SPAG16: variants seen among roughly 807,000 people sequenced by gnomAD.
SPAG16 encodes sperm-associated antigen 16 protein.
A neutral mutation model predicts 80.4 loss-of-function variants in SPAG16; 86 were observed. The ratio of observed to expected loss-of-function variants is 1.07; its 90% confidence interval spans 0.90 to 1.28. The LOEUF is 1.28. Ranked by LOEUF, SPAG16 falls within the 50% of genes most tolerant of loss-of-function variation. SPAG16 has a pLI of 0.00. For synonymous variants in SPAG16, 294 were observed against 265.9 expected (o/e 1.11, Z -1.03); for missense variants, 870 against 765.3 (o/e 1.14, Z -1.61).
chr2:213,574,645 T>C (rs1398234004), intron 10 of SPAG16, among the ~76,000 whole-genome samples: 1 of 148,502 alleles, frequency 6.7e-6, no homozygotes, highest in Non-Finnish European at 1.5e-5. Context: ...TCACCAGATA[T>C]ATATCATATA....
intron 10 of SPAG16, among the ~76,000 whole-genome samples, chr2:213,819,593 A>G (rs1021207543): frequency 6.6e-6 from 1 of 152,220 alleles, no homozygotes; most frequent in South Asian, 2.1e-4. Context: ...CACCCAGGCT[A>G]AAGTGCAATG....
chr2:214,063,119 A>C (rs936838407), intron 13 of SPAG16, among the ~76,000 whole-genome samples: 2 of 152,206 alleles, frequency 1.3e-5, no homozygotes, highest in Non-Finnish European at 2.9e-5. Flanking sequence ...TAAAAATCAG[A>C]AATGTATGTT....
At chr2:213,790,335 T>C (rs1186458198) in intron 10 of SPAG16, among the ~76,000 whole-genome samples, 1 of 151,942 alleles carries the variant, frequency 6.6e-6, no homozygotes, top group African/African-American at 2.4e-5. Flanking sequence ...TCAACACTTA[T>C]TTAGGTTCAA....
intron 1 of SPAG16, among the ~76,000 whole-genome samples, chr2:213,294,810 C>A (rs1381417977): frequency 6.6e-6 from 1 of 152,114 alleles, no homozygotes; most frequent in African/African-American, 2.4e-5. Flanking sequence ...GCACAGAAAA[C>A]CCACACAGAA....
chr2:213,585,311 C>G (rs1221318643), intron 10 of SPAG16, among the ~76,000 whole-genome samples: 4 of 144,894 alleles, frequency 2.8e-5, no homozygotes, highest in African/African-American at 1.0e-4. Context: ...GAGTCTCACT[C>G]TATTGCCCAG....
intron 12 of SPAG16, among the ~76,000 whole-genome samples, chr2:213,940,165 G>A (rs1011929872): frequency 1.3e-5 from 2 of 152,068 alleles, no homozygotes; most frequent in Admixed American, 1.3e-4. Context: ...AAAAAAGTGA[G>A]CATTTAACTT....
chr2:213,869,562 A>G (rs1397063562), intron 11 of SPAG16, among the ~76,000 whole-genome samples: 1 of 151,300 alleles, frequency 6.6e-6, no homozygotes, highest in Non-Finnish European at 1.5e-5. Context: ...GCAGAGGTGT[A>G]TATTATGCTT....
chr2:213,363,150 A>G (rs1477288624), intron 7 of SPAG16, among the ~76,000 whole-genome samples: 1 of 152,068 alleles, frequency 6.6e-6, no homozygotes, highest in Admixed American at 6.6e-5. Context: ...ATTATTTGTG[A>G]AAAATGTATC....
intron 10 of SPAG16, among the ~76,000 whole-genome samples, chr2:213,807,960 T>G (rs377596230): frequency 6.6e-6 from 1 of 152,184 alleles, no homozygotes. Flanking sequence ...ATGATAGGCC[T>G]TGGTGCCAAA....
chr2:213,451,581 A>C (rs1418819907), intron 9 of SPAG16, among the ~76,000 whole-genome samples: 1 of 152,216 alleles, frequency 6.6e-6, no homozygotes, highest in African/African-American at 2.4e-5. Flanking sequence ...GCACACACGC[A>C]TAGTGAAATT....
At chr2:214,056,313 A>ACG (rs1280208867) in intron 13 of SPAG16, among the ~76,000 whole-genome samples, 9 of 148,172 alleles carry the variant, frequency 6.1e-5, no homozygotes, top group African/African-American at 2.2e-4. Flanking sequence ...ACACACACAC[A>ACG]CGCATAGAGA....
chr2:214,080,327 G>T (rs187552589), intron 13 of SPAG16, among the ~76,000 whole-genome samples: 1 of 151,850 alleles, frequency 6.6e-6, no homozygotes, highest in Non-Finnish European at 1.5e-5. Context: ...GGCCAGGCAC[G>T]GTGGCTCACG....
chr2:213,529,854 A>AT (rs1305902934), intron 10 of SPAG16, among the ~76,000 whole-genome samples: 4 of 152,054 alleles, frequency 2.6e-5, no homozygotes, highest in African/African-American at 7.2e-5. Flanking sequence ...TTCTTTAGAC[A>AT]TTTTTTTCTA....
chr2:214,053,402 T>G (rs930446744), intron 13 of SPAG16, among the ~76,000 whole-genome samples: 1 of 152,204 alleles, frequency 6.6e-6, no homozygotes, highest in African/African-American at 2.4e-5. Flanking sequence ...TAGATGAGAA[T>G]GGGTATGACT....
rs541373774 is a variant in SPAG16 at position 213,310,217 on chromosome 2, A to G, written c.398+40A>G. Reference sequence around the variant, plus strand: ...AGATAAATAGTTCTCTTAAAATTCTAACATTTAACATATACACTTTTAAGT... The same window carrying G: ...AGATAAATAGTTCTCTTAAAATTCTGACATTTAACATATACACTTTTAAGT... On this transcript the variant is annotated intron_variant, in intron 4 of 15. Transcript: ENST00000331683. The G allele has an allele frequency of 3.2e-5, 43 of 1,348,476 alleles. No homozygotes were observed. In the East Asian group the frequency reaches 4.9e-4, roughly 15 times the overall value. The allele number at this position is 1,348,476 out of a possible 1,614,324, so 83.5% of individuals were successfully genotyped here.
At chr2:214,294,080 A>G (rs567156674) in intron 15 of SPAG16, among the ~76,000 whole-genome samples, 2 of 152,326 alleles carry the variant, frequency 1.3e-5, no homozygotes, top group Middle Eastern at 3.4e-3. Flanking sequence ...TTTGGAACTG[A>G]GCTCTCAGAA....
intron 9 of SPAG16, among the ~76,000 whole-genome samples, chr2:213,464,165 G>T (rs2072543122): frequency 6.6e-6 from 1 of 152,146 alleles, no homozygotes; most frequent in Non-Finnish European, 1.5e-5. Context: ...GAGGTTTCTT[G>T]GTCTAGAAGG....
At chr2:213,476,051 C>T (rs1010317023) in intron 9 of SPAG16, among the ~76,000 whole-genome samples, 2 of 152,172 alleles carry the variant, frequency 1.3e-5, no homozygotes, top group African/African-American at 4.8e-5. Context: ...TTTTACATCC[C>T]CCTGTTTCTA....
chr2:213,946,321 G>A (rs2079464263), intron 12 of SPAG16, among the ~76,000 whole-genome samples: 50 of 152,026 alleles, frequency 3.3e-4, no homozygotes, highest in African/African-American at 9.2e-4. Context: ...TACCATATTG[G>A]CCAGGCTGGT....
Sources: gnomAD v4.1 joint callset for allele counts (sites outside exome capture counted in the v4.1 genomes callset) on GRCh38, gnomAD v4.1.1 for gene constraint, MANE v1.5 for transcripts, NCBI Gene and HGNC (gene_info 2026-07-23, HGNC 2026-07-21) for gene names.